NEDD4L: variants seen among roughly 807,000 people sequenced by gnomAD.
NEDD4L encodes NEDD4 like E3 ubiquitin protein ligase.
A neutral mutation model predicts 148.9 loss-of-function variants in NEDD4L; 54 were observed. The ratio of observed to expected loss-of-function variants is 0.36; its 90% confidence interval spans 0.29 to 0.45. The LOEUF is 0.45. Among genes scored for constraint, NEDD4L ranks in the 20% least tolerant of loss-of-function variants. NEDD4L has a pLI of 1.00. For synonymous variants in NEDD4L, 433 were observed against 440.7 expected, an observed-to-expected ratio of 0.98 and a Z score of 0.22; for missense variants, 856 against 1,233.8, an observed-to-expected ratio of 0.69 and a Z score of 4.59.
intron 20 of NEDD4L, among the ~76,000 whole-genome samples, chr18:58,365,448 T>G (rs2146076994): frequency 6.6e-6 from 1 of 152,262 alleles, no homozygotes; most frequent in Non-Finnish European, 1.5e-5. Flanking sequence ...GTCAAGTGTT[T>G]TGTTATTTTC....
At chr18:58,225,909 C>G (rs752825514) in intron 2 of NEDD4L, among the ~76,000 whole-genome samples, 22 of 152,178 alleles carry the variant, frequency 1.4e-4, no homozygotes, top group Non-Finnish European at 2.9e-4. Flanking sequence ...TATAAAACAG[C>G]ACAGTTTTGT....
chr18:58,183,635 T>C (rs2039099596), intron 2 of NEDD4L, among the ~76,000 whole-genome samples: 1 of 152,178 alleles, frequency 6.6e-6, no homozygotes, highest in African/African-American at 2.4e-5. Context: ...ACTTCGAAGC[T>C]CCATGCTGCA....
chr18:58,359,836 T>C (rs2045238067), intron 19 of NEDD4L: 1 of 152,266 alleles, frequency 6.6e-6, no homozygotes, highest in African/African-American at 2.4e-5. Flanking sequence ...TTTTAACTGC[T>C]CTCCCAGGGA....
chr18:58,183,989 GA>G lies in NEDD4L; in HGVS notation c.122+18131del, dbSNP rs1241475060. ...TCAAGGCCATCCTGGCTAACATGGT[GA>G]AACCCCGTCTCTACTAAAAATAGAG... On this transcript the variant is annotated intron_variant, in intron 2 of 30. Transcript: ENST00000400345. Among the ~76,000 whole-genome samples the G allele has an allele frequency of 1.4e-4, 21 of 152,282 alleles. No individual in the cohort carries two copies. In the East Asian group the frequency reaches 4.1e-3, roughly 29 times the overall value.
In NEDD4L at chr18:58,390,994, T is replaced by C. The variant is rs915438441; in HGVS notation, c.2752+252T>C. ...CCATAAGGCTGCTCTTTTTTTTTTT[T>C]CCTAGTTTAGTTTTTTAGTAAATCG... On this transcript the variant is annotated intron_variant, in intron 29 of 30. Transcript: ENST00000400345. Among the ~76,000 whole-genome samples, 3 of 151,998 alleles carry C rather than the reference T, an allele frequency of 2.0e-5. 1 individual carries two copies. The highest frequency in any genetic ancestry group is 3.8e-4 in the East Asian group (2 of 5,200).
intron 1 of NEDD4L, among the ~76,000 whole-genome samples, chr18:58,131,132 G>T (rs1307289448): frequency 6.8e-6 from 1 of 147,352 alleles, no homozygotes; most frequent in African/African-American, 2.5e-5. Context: ...GTTGGGCTCT[G>T]GATTTGGTTG....
At chr18:58,237,850 C>T (rs1052075548) in intron 2 of NEDD4L, among the ~76,000 whole-genome samples, 3 of 152,150 alleles carry the variant, frequency 2.0e-5, no homozygotes, top group Non-Finnish European at 4.4e-5. Context: ...GGTTGGGACC[C>T]TCAAGTGACT....
chr18:58,073,208 C>T (rs2144939707), intron 1 of NEDD4L, among the ~76,000 whole-genome samples: 1 of 152,068 alleles, frequency 6.6e-6, no homozygotes, highest in South Asian at 2.1e-4. Context: ...CCTACAAAAT[C>T]CCAGCTGGCT....
At chr18:58,152,743 CG>C (rs1282500220) in intron 1 of NEDD4L, among the ~76,000 whole-genome samples, 2 of 152,226 alleles carry the variant, frequency 1.3e-5, no homozygotes, top group East Asian at 3.9e-4. Context: ...TGCTGGTAGT[CG>C]GGAGTCCGTA....
At chr18:58,318,505 C>T (rs1365409223) in intron 6 of NEDD4L, among the ~76,000 whole-genome samples, 5 of 152,184 alleles carry the variant, frequency 3.3e-5, no homozygotes, top group Non-Finnish European at 7.3e-5. Context: ...TACGCTGAGC[C>T]GTGGTTGTAC....
At position 58,349,530 on chromosome 18, in the gene NEDD4L, C is replaced by A. The variant is rs1323730022; in HGVS notation, c.1576-7C>A. 1 of 1,612,182 alleles carries A rather than the reference C, an allele frequency of 6.2e-7. No individual in the cohort carries two copies. The highest frequency in any genetic ancestry group is 8.5e-7 in the Non-Finnish European group (1 of 1,178,362). On this transcript the variant is annotated splice_region_variant and splice_polypyrimidine_tract_variant and intron_variant, in intron 16 of 30. Transcript: ENST00000400345. ...AGCATCTACTGTCTTTTACATTTTT[C>A]TTGCAGGAAGATCCACGTTTGAAAT...
intron 2 of NEDD4L, among the ~76,000 whole-genome samples, chr18:58,193,110 T>G (rs1017286974): frequency 6.6e-5 from 10 of 152,190 alleles, no homozygotes; most frequent in Non-Finnish European, 1.3e-4. Flanking sequence ...GACTATTTCT[T>G]GATTTGAGTC....
intron 29 of NEDD4L, among the ~76,000 whole-genome samples, chr18:58,391,142 T>C (rs1409206934): frequency 6.6e-6 from 1 of 152,214 alleles, no homozygotes; most frequent in Admixed American, 6.5e-5. Flanking sequence ...CTTTGCATAC[T>C]GAAAGTCACA....
intron 5 of NEDD4L, among the ~76,000 whole-genome samples, chr18:58,288,057 G>A (rs2054187975): frequency 6.6e-6 from 1 of 152,168 alleles, no homozygotes; most frequent in South Asian, 2.1e-4. Context: ...ATTCATGCCT[G>A]ACTAATTTGC....
chr18:58,301,454 T>A (rs1014390573), intron 5 of NEDD4L, among the ~76,000 whole-genome samples: 5 of 152,222 alleles, frequency 3.3e-5, no homozygotes, highest in African/African-American at 1.2e-4. Flanking sequence ...TCTCTGGTTT[T>A]CTTTCCAGGG....
intron 18 of NEDD4L, among the ~76,000 whole-genome samples, chr18:58,355,999 G>A (rs945520892): frequency 6.6e-6 from 1 of 151,974 alleles, no homozygotes. Context: ...GGTGCAGATC[G>A]GGCTGGAGCA....
At chr18:58,184,851 G>T (rs1269123188) in intron 2 of NEDD4L, among the ~76,000 whole-genome samples, 1 of 151,820 alleles carries the variant, frequency 6.6e-6, no homozygotes, top group Admixed American at 6.6e-5. Flanking sequence ...TGGCGTGAAC[G>T]CAGGAGGTGG....
At chr18:58,300,676 G>A (rs796730951) in intron 5 of NEDD4L, among the ~76,000 whole-genome samples, 24 of 152,326 alleles carry the variant, frequency 1.6e-4, no homozygotes, top group African/African-American at 5.8e-4. Context: ...GCACATGGCA[G>A]TCAGAGAGTC....
At chr18:58,258,826 G>A (rs910450953) in intron 5 of NEDD4L, among the ~76,000 whole-genome samples, 3 of 152,176 alleles carry the variant, frequency 2.0e-5, no homozygotes, top group Non-Finnish European at 4.4e-5. Flanking sequence ...CAGCAACTTT[G>A]TATGCATTTC....
Sources: gnomAD v4.1 joint callset for allele counts (sites outside exome capture counted in the v4.1 genomes callset) on GRCh38, gnomAD v4.1.1 for gene constraint, MANE v1.5 for transcripts, NCBI Gene and HGNC (gene_info 2026-07-23, HGNC 2026-07-21) for gene names.